Variants in RNF20 observed in about 807,000 individuals in gnomAD.
RNF20 encodes E3 ubiquitin-protein ligase BRE1A.
Under a neutral mutation model 126.2 loss-of-function variants are expected in RNF20, and 84 were observed. The ratio of observed to expected loss-of-function variants is 0.67; its 90% CI spans 0.56 to 0.80. The LOEUF (loss-of-function observed/expected upper bound fraction) is 0.80. Ranked by LOEUF, RNF20 falls within the 30% of genes least tolerant of loss-of-function variation. The pLI is 0.00. For missense variants in RNF20, 869 were observed against 1,188.2 expected (o/e 0.73, Z 3.95); for synonymous variants, 400 against 414.3 (o/e 0.97, Z 0.42).
chr9:101,540,718 A>AG, intron 4 of RNF20, 75 bp from the exon 5 acceptor site: 1 of 1,589,256 alleles, frequency 6.3e-7, no homozygotes, highest in East Asian at 2.2e-5. Flanking sequence ...TTTCCATTTG[A>AG]GGGAAAAAAA....
chr9:101,552,549 A>G lies in RNF20; in HGVS notation c.1697A>G (p.Glu566Gly). 6.2e-7 allele frequency: 1 copy of G among 1,613,624 alleles called. No individual in the cohort carries two copies. The change falls in exon 13 of 20, where the codon GAA becomes GGA. Residue 566 changes from glutamate to glycine, a missense_variant. Physicochemically the swap from Glu to Gly is moderately conservative, Grantham distance 98. Transcript: ENST00000389120. ...AATGAAATCAAGTCTAAACGGGATG[A>G]AGAAGAACGAGAACGAGAAAGGAGG... ...DANEIKSKRD[E>G]EERERERREK...
Position 101,563,151 on chromosome 9 carries a change from C to T in RNF20, c.*729C>T, listed in dbSNP as rs990962356. The T allele has an allele frequency of 6.6e-6, 1 of 152,562 alleles. No individual in the cohort carries two copies. Among genetic ancestry groups the T allele is most frequent in the Non-Finnish European group, 1.5e-5 (1 of 68,028 alleles). The allele number at this position is 152,562 out of a possible 1,614,324, so 9.5% of individuals were successfully genotyped here. ...GAAATAAAGATTGAAGAGGTTGAGT[C>T]AGGACTGAGCTGGTGAAGAAATCTT... On this transcript the variant is annotated 3_prime_UTR_variant, in exon 20 of 20. Transcript: ENST00000389120.
chr9:101,534,142 C>G (rs1827147722), intron 1 of RNF20: 1 of 152,064 alleles, frequency 6.6e-6, no homozygotes, highest in Admixed American at 6.6e-5. Flanking sequence ...CTTCTCTCTC[C>G]AGGCGAGGTC....
chr9:101,548,717 G>A (rs1827393363), intron 9 of RNF20, among the ~76,000 whole-genome samples: 2 of 152,072 alleles, frequency 1.3e-5, no homozygotes, highest in African/African-American at 2.4e-5. Context: ...GCCCTGAAAA[G>A]GATTTAAAGC....
At chr9:101,556,526 G>T (rs1827533814) in intron 15 of RNF20, among the ~76,000 whole-genome samples, 1 of 152,018 alleles carries the variant, frequency 6.6e-6, no homozygotes, top group Non-Finnish European at 1.5e-5. Flanking sequence ...GAATACACTA[G>T]GATGATTTCC....
rs757182167 is a variant in RNF20 at position 101,550,831 on chromosome 9, T to C, written c.1272+46T>C. The C allele has an allele frequency of 3.2e-6, 5 of 1,559,998 alleles. No individual in the cohort carries two copies. In the Admixed American group the frequency reaches 5.0e-5, roughly 16 times the overall value. The stretch of plus-strand genomic sequence containing the variant: ...TTTGTATGTAAGCTTTCTTGCCTCC[T>C]AAATTTTACAATTTTACTCCCTCAT... On this transcript the variant is annotated intron_variant, in intron 10 of 19. Coordinates refer to ENST00000389120, the MANE Select transcript of RNF20 (RefSeq NM_019592.7).
chr9:101,547,344 A>G, intron 8 of RNF20, 55 bp from the exon 9 acceptor site: 2 of 1,610,180 alleles, frequency 1.2e-6, no homozygotes, highest in Non-Finnish European at 1.7e-6. Flanking sequence ...AAGGAAGCTT[A>G]GAAATGATTT....
Position 101,547,224 on chromosome 9 carries a change from G to A in RNF20, c.972+10G>A. The A allele has an allele frequency of 6.2e-7, 1 of 1,613,878 alleles. No individual in the cohort carries two copies. The highest frequency in any genetic ancestry group is 8.5e-7 in the Non-Finnish European group (1 of 1,179,768). On this transcript the variant is annotated intron_variant, in intron 8 of 19. Coordinates refer to ENST00000389120, the MANE Select transcript of RNF20 (RefSeq NM_019592.7). ...TATCAATGCTCGGAAGGTAAAATCA[G>A]TGACTCAGGACATGTTTTGGACTGT...
In RNF20 at chr9:101,547,363, T is replaced by A. The variant is rs776436362; in HGVS notation, c.973-36T>A. On this transcript the variant is annotated intron_variant, in intron 8 of 19. Coordinates refer to ENST00000389120, the MANE Select transcript of RNF20 (RefSeq NM_019592.7). ...AAGCTTAGAAATGATTTAAGAAGAA[T>A]ACTTATTTATTCTCTATTTTTCTGC... 3.7e-6 allele frequency: 6 copies of A among 1,612,180 alleles called. No individual in the cohort carries two copies. The Admixed American group carries it at 6.7e-5, about 18-fold the overall frequency.
intron 5 of RNF20, among the ~76,000 whole-genome samples, chr9:101,542,104 T>G (rs1164076875): frequency 1.3e-5 from 2 of 152,228 alleles, no homozygotes; most frequent in Non-Finnish European, 2.9e-5. Context: ...GGTTGAACCA[T>G]TGGATGAGCA....
At chr9:101,540,126 A>G in intron 2 of RNF20, 77 bp from the exon 3 acceptor site, 1 of 1,350,530 alleles carries the variant, frequency 7.4e-7, no homozygotes, top group Non-Finnish European at 1.0e-6. Context: ...CTAATGAATA[A>G]TTGTGACCTT....
chr9:101,552,314 G>C, intron 12 of RNF20, 52 bp downstream of exon 12: 1 of 1,612,710 alleles, frequency 6.2e-7, no homozygotes. Context: ...TCGTAAAGCT[G>C]CTTTTGAATG....
At chr9:101,540,728 A>G in intron 4 of RNF20, 65 bp from the exon 5 acceptor site, 1 of 1,590,378 alleles carries the variant, frequency 6.3e-7, no homozygotes, top group South Asian at 1.1e-5. Flanking sequence ...AGGGAAAAAA[A>G]ATGGATTTTG....
chr9:101,546,818 A>G lies in RNF20; in HGVS notation c.748-2A>G. 6.2e-7 allele frequency: 1 copy of G among 1,614,076 alleles called. No homozygotes were observed. Among genetic ancestry groups the G allele is most frequent in the Non-Finnish European group, 8.5e-7 (1 of 1,179,946 alleles). The stretch of plus-strand genomic sequence containing the variant: ...TTCTGAATGTTTGTCTTTGGGATGT[A>G]GTTCTCCAAGTTGCAGAGTAAAGTG... On this transcript the variant is annotated splice_acceptor_variant, in intron 6 of 19. Transcript: ENST00000389120. LOFTEE classifies it high-confidence loss of function.
chr9:101,543,485 C>T (rs1827292644), intron 5 of RNF20, among the ~76,000 whole-genome samples: 1 of 148,384 alleles, frequency 6.7e-6, no homozygotes. Context: ...TCTAACCCTG[C>T]CAGGGTGGCA....
rs552268651 is a variant in RNF20, at chr9:101,542,837, A to G, written c.628+1862A>G. Among the ~76,000 whole-genome samples, 8 of 152,358 alleles carry G rather than the reference A, an allele frequency of 5.3e-5. No homozygotes were observed. In the South Asian group the frequency reaches 8.3e-4, roughly 16 times the overall value. On this transcript the variant is annotated intron_variant, in intron 5 of 19. Coordinates refer to ENST00000389120, the MANE Select transcript of RNF20 (RefSeq NM_019592.7). ...AGGTCGGGTTTAAGTTAAAAAGTAGAAACATTACAAATAGCCATGCCATTA... is the reference window on the plus strand; with the variant it reads ...AGGTCGGGTTTAAGTTAAAAAGTAGGAACATTACAAATAGCCATGCCATTA...
chr9:101,556,691 A>C (rs185832890), intron 15 of RNF20, among the ~76,000 whole-genome samples: 49 of 152,338 alleles, frequency 3.2e-4, no homozygotes, highest in Non-Finnish European at 4.9e-4. Context: ...TTATTTTTTA[A>C]AATGATGCAA....
chr9:101,549,453 T>TG (rs1030801927), intron 9 of RNF20, among the ~76,000 whole-genome samples: 13 of 152,282 alleles, frequency 8.5e-5, no homozygotes, highest in African/African-American at 3.1e-4. Flanking sequence ...GGATGGAACA[T>TG]GAAGGCGGCC....
At chr9:101,535,343 C>T (rs1827165654) in intron 1 of RNF20, 55 bp from the exon 2 acceptor site, 7 of 1,442,806 alleles carry the variant, frequency 4.9e-6, no homozygotes, top group Non-Finnish European at 6.6e-6. Context: ...TTGTTTTACT[C>T]TATTGTTGCT....
Sources: gnomAD v4.1 joint callset for allele counts (sites outside exome capture counted in the v4.1 genomes callset) on GRCh38, gnomAD v4.1.1 for gene constraint, MANE v1.5 for transcripts, NCBI Gene and HGNC (gene_info 2026-07-23, HGNC 2026-07-21) for gene names.